Variants in GRIK4 observed in about 807,000 individuals in gnomAD.
GRIK4 encodes glutamate ionotropic receptor kainate type subunit 4.
Under a neutral mutation model 104.9 loss-of-function variants are expected in GRIK4, and 40 were observed. The observed-to-expected ratio is 0.38, with a 90% CI of 0.30 to 0.50. GRIK4 has a LOEUF of 0.50. Ranked by LOEUF, GRIK4 falls within the 20% of genes least tolerant of loss-of-function variation. GRIK4 has a pLI of 0.93. For missense variants in GRIK4, 1,047 were observed against 1,308.1 expected, an observed-to-expected ratio of 0.80 and a Z score of 3.08; for synonymous variants, 485 against 524.9, an observed-to-expected ratio of 0.92 and a Z score of 1.04.
At chr11:120,866,783 C>T (rs1215423072) in intron 9 of GRIK4, among the ~76,000 whole-genome samples, 1 of 152,208 alleles carries the variant, frequency 6.6e-6, no homozygotes, top group African/African-American at 2.4e-5. Context: ...TTCTCTCAGC[C>T]AAGCCCCTTT....
chr11:120,969,354 G>A (rs1029294279), intron 19 of GRIK4, among the ~76,000 whole-genome samples: 1 of 152,158 alleles, frequency 6.6e-6, no homozygotes, highest in East Asian at 1.9e-4. Context: ...CCCAGGACCT[G>A]AATAGGTCGA....
At chr11:120,584,411 A>G (rs1234976021) in intron 1 of GRIK4, among the ~76,000 whole-genome samples, 2 of 152,210 alleles carry the variant, frequency 1.3e-5, no homozygotes, top group Non-Finnish European at 2.9e-5. Context: ...GTATCTGCTC[A>G]GCTTCTAGGG....
intron 3 of GRIK4, among the ~76,000 whole-genome samples, chr11:120,688,266 A>C (rs927616199): frequency 9.2e-5 from 14 of 152,306 alleles, no homozygotes; most frequent in Non-Finnish European, 1.0e-4. Flanking sequence ...TATTTCTTCT[A>C]GCATTTCTAG....
intron 1 of GRIK4, among the ~76,000 whole-genome samples, chr11:120,536,387 C>G (rs947667172): frequency 2.6e-5 from 4 of 152,118 alleles, no homozygotes; most frequent in African/African-American, 9.7e-5. Context: ...TTTCAGCGAG[C>G]CTTAAGCCAA....
intron 3 of GRIK4, among the ~76,000 whole-genome samples, chr11:120,781,992 CCT>C (rs1418262274): frequency 6.6e-6 from 1 of 152,270 alleles, no homozygotes; most frequent in East Asian, 1.9e-4. Flanking sequence ...GCATGTTCTT[CCT>C]CTCTCTCCTA....
intron 3 of GRIK4, among the ~76,000 whole-genome samples, chr11:120,745,325 A>G (rs1480492103): frequency 1.3e-5 from 2 of 152,212 alleles, no homozygotes; most frequent in Admixed American, 6.5e-5. Context: ...TACTAAATCT[A>G]TAAATTTTTT....
chr11:120,621,691 G>A (rs922780279), intron 1 of GRIK4, among the ~76,000 whole-genome samples: 7 of 152,122 alleles, frequency 4.6e-5, no homozygotes, highest in Non-Finnish European at 2.9e-5. Context: ...ATGTAAACTT[G>A]CCAAGTCACA....
intron 4 of GRIK4, among the ~76,000 whole-genome samples, chr11:120,804,143 C>A (rs1214753448): frequency 1.3e-5 from 2 of 152,144 alleles, no homozygotes; most frequent in Non-Finnish European, 2.9e-5. Flanking sequence ...GAGAAGAGCC[C>A]CTCAAATCAG....
chr11:120,595,282 C>T (rs1285583361), intron 1 of GRIK4, among the ~76,000 whole-genome samples: 9 of 152,256 alleles, frequency 5.9e-5, no homozygotes, highest in Admixed American at 5.9e-4. Flanking sequence ...TTCACACATC[C>T]TTTAAGTTTC....
At chr11:120,832,513 C>A (rs368297016) in intron 7 of GRIK4, among the ~76,000 whole-genome samples, 1 of 152,120 alleles carries the variant, frequency 6.6e-6, no homozygotes, top group Admixed American at 6.5e-5. Context: ...GATCTCCCAG[C>A]GTAGAGCTCT....
intron 3 of GRIK4, among the ~76,000 whole-genome samples, chr11:120,721,643 A>G (rs1204417891): frequency 6.6e-6 from 1 of 152,084 alleles, no homozygotes; most frequent in Non-Finnish European, 1.5e-5. Context: ...GTGCCATCCT[A>G]GTTGTGTGGT....
rs191925872 is a variant in GRIK4, at chr11:120,854,606, G to A, written c.745-7353G>A. 1.4e-4 allele frequency among the ~76,000 whole-genome samples: 22 copies of A among 152,268 alleles called. No individual in the cohort carries two copies. The East Asian group carries it at 3.1e-3, about 21-fold the overall frequency. ...TCTGGTGGGCTTCAGGAAGGCCTCC[G>A]CACACTGCCTTCCTCACTACCTGCT... On this transcript the variant is annotated intron_variant, in intron 8 of 20. Coordinates refer to ENST00000527524, the MANE Select transcript of GRIK4 (RefSeq NM_014619.5).
chr11:120,919,501 C>A (rs1425864391), intron 13 of GRIK4, among the ~76,000 whole-genome samples: 1 of 152,168 alleles, frequency 6.6e-6, no homozygotes, highest in Non-Finnish European at 1.5e-5. Context: ...AATTCTGGGG[C>A]CCCATCTAGA....
rs972371521 is a variant in GRIK4, at chr11:120,971,816, G to A, written c.2395+4493G>A. Among the ~76,000 whole-genome samples, 8 of 152,338 alleles carry A rather than the reference G, an allele frequency of 5.3e-5. No individual in the cohort carries two copies. In the East Asian group the frequency reaches 1.5e-3, roughly 29 times the overall value. ...GGAATCGCTGCTTTAGGACTGTTGT[G>A]AGGCACAGGTGTTACACTGAGAACT... On this transcript the variant is annotated intron_variant, in intron 19 of 20. Transcript: ENST00000527524.
intron 3 of GRIK4, among the ~76,000 whole-genome samples, chr11:120,719,365 T>C (rs1233989043): frequency 1.3e-5 from 2 of 152,216 alleles, no homozygotes; most frequent in African/African-American, 4.8e-5. Flanking sequence ...GGTGGCTTCC[T>C]TCCAGAGATA....
intron 6 of GRIK4, among the ~76,000 whole-genome samples, 191 bp from the exon 7 acceptor site, chr11:120,831,661 A>G (rs1013795761): frequency 3.3e-5 from 5 of 152,088 alleles, no homozygotes; most frequent in Non-Finnish European, 7.4e-5. Flanking sequence ...TTTATTTTAG[A>G]TGGGATCATT....
intron 8 of GRIK4, among the ~76,000 whole-genome samples, chr11:120,851,806 C>A (rs896487047): frequency 6.6e-6 from 1 of 151,866 alleles, no homozygotes; most frequent in African/African-American, 2.4e-5. Flanking sequence ...ATTATTTGAT[C>A]CTGCTGCCAA....
At chr11:120,972,653 G>A (rs1387739239) in intron 19 of GRIK4, among the ~76,000 whole-genome samples, 1 of 152,118 alleles carries the variant, frequency 6.6e-6, no homozygotes, top group Non-Finnish European at 1.5e-5. Context: ...TGCCCTTCTG[G>A]GAGCCGGAGA....
chr11:120,605,459 C>T (rs1378201555), intron 1 of GRIK4, among the ~76,000 whole-genome samples: 1 of 152,228 alleles, frequency 6.6e-6, no homozygotes, highest in African/African-American at 2.4e-5. Flanking sequence ...AGCATGGGGT[C>T]TTTGCGAGGA....
Sources: allele counts gnomAD v4.1 joint callset (sites outside exome capture counted in the v4.1 genomes callset), GRCh38; gene constraint gnomAD v4.1.1; transcripts MANE v1.5; gene names NCBI Gene and HGNC (gene_info 2026-07-23, HGNC 2026-07-21).